The following NUP50 variants were observed in gnomAD, a reference collection of about 807,000 sequenced individuals.
NUP50 encodes nucleoporin 50.
A neutral mutation model predicts 36.8 loss-of-function variants in NUP50; 14 were observed. The observed-to-expected ratio is 0.38, with a 90% CI of 0.25 to 0.59. The LOEUF (loss-of-function observed/expected upper bound fraction) is 0.59, where lower values mean the gene tolerates loss of function less well. Ranked by LOEUF, NUP50 falls within the 20% of genes least tolerant of loss-of-function variation. The pLI is 0.63. For synonymous variants in NUP50, 195 were observed against 210.8 expected (o/e 0.93, Z 0.65); for missense variants, 455 against 564.6 (o/e 0.81, Z 1.97).
chr22:45,176,531 G>A (rs1383465564), intron 4 of NUP50, among the ~76,000 whole-genome samples: 1 of 152,228 alleles, frequency 6.6e-6, no homozygotes, highest in Non-Finnish European at 1.5e-5. Flanking sequence ...TTGGGTATGG[G>A]ATGTGTTGAT....
At chr22:45,166,334 C>G (rs1476115425) in intron 1 of NUP50, 4 of 135,634 alleles carry the variant, frequency 2.9e-5, no homozygotes, top group South Asian at 4.5e-4. Flanking sequence ...GTCACATAGG[C>G]TGGAGTGCAT....
intron 3 of NUP50, among the ~76,000 whole-genome samples, chr22:45,172,472 T>C (rs1569046770): frequency 6.6e-6 from 1 of 152,168 alleles, no homozygotes; most frequent in Admixed American, 6.5e-5. Context: ...AAGGAAATAG[T>C]CATTGGAGGA....
intron 3 of NUP50, 43 bp downstream of exon 3, chr22:45,171,726 A>G: frequency 6.6e-7 from 1 of 1,523,546 alleles, no homozygotes; most frequent in African/African-American, 1.4e-5. Flanking sequence ...TACTCATTTG[A>G]TTTCTGGGTT....
rs2074470983 is a variant in NUP50 at position 45,186,315 on chromosome 22, G to A, written c.*1660G>A. ...AGTTTTACACTGACTTTTTAAGAAT[G>A]GAGAATGCACGTGGGTTTCTGTTGC... On this transcript the variant is annotated 3_prime_UTR_variant, in exon 8 of 8. Transcript: ENST00000347635. 6.6e-6 allele frequency: 1 copy of A among 152,216 alleles called. No individual in the cohort carries two copies. Among genetic ancestry groups the A allele is most frequent in the Non-Finnish European group, 1.5e-5 (1 of 68,038 alleles). 9.4% of individuals were successfully genotyped at this position (152,216 alleles called of 1,614,324 possible).
intron 6 of NUP50, among the ~76,000 whole-genome samples, chr22:45,182,902 C>T (rs956859192): frequency 1.3e-5 from 2 of 151,508 alleles, no homozygotes; most frequent in African/African-American, 2.4e-5. Context: ...GGGATACAGG[C>T]GTGAGCCACC....
In NUP50 at chr22:45,178,720, A is replaced by G. The variant is rs753113949; in HGVS notation, c.823A>G (p.Lys275Glu). 9.8e-5 allele frequency: 158 copies of G among 1,613,182 alleles called. No individual in the cohort carries two copies. The highest frequency in any genetic ancestry group is 1.3e-4 in the Non-Finnish European group (157 of 1,179,872). ...GATSASFNFG[K>E]KVDSSVLGSL... ...GACAAGTGCCTCATTTAATTTCGGCAAGAAAGTTGATAGCTCTGTTTTGGG... is the reference window on the plus strand; with the variant it reads ...GACAAGTGCCTCATTTAATTTCGGCGAGAAAGTTGATAGCTCTGTTTTGGG... The change falls in exon 5 of 8, where the codon AAG (lysine) becomes GAG (glutamate). Residue 275 changes from lysine to glutamate, a missense_variant. Lys to Glu is a moderately conservative substitution (Grantham distance 56). Transcript: ENST00000347635.
chr22:45,171,058 G>A, intron 2 of NUP50: 1 of 1,303,590 alleles, frequency 7.7e-7, no homozygotes, highest in African/African-American at 1.5e-5. Context: ...CAGAAGTGTG[G>A]ACATGAGTGT....
chr22:45,176,174 G>A (rs942338422), intron 4 of NUP50, 94 bp downstream of exon 4: 4 of 1,354,870 alleles, frequency 3.0e-6, no homozygotes, highest in East Asian at 4.9e-5. Context: ...CCTGTGTCTT[G>A]GAACTGTGTG....
intron 1 of NUP50, among the ~76,000 whole-genome samples, chr22:45,167,170 A>G (rs2074107154): frequency 6.6e-6 from 1 of 152,140 alleles, no homozygotes; most frequent in African/African-American, 2.4e-5. Context: ...GAGTGGGGAG[A>G]GTATCACGAA....
Position 45,179,038 on chromosome 22 carries a change from C to A in NUP50, c.1003+138C>A, listed in dbSNP as rs12160308. On this transcript the variant is annotated intron_variant, in intron 5 of 7. Coordinates refer to ENST00000347635, the MANE Select transcript of NUP50 (RefSeq NM_007172.4). ...TCTCCATGTGTGATCTCAGACAGAGCTAATCAGCTTCTCTGAGTTTCAGAT... is the reference window on the plus strand; with the variant it reads ...TCTCCATGTGTGATCTCAGACAGAGATAATCAGCTTCTCTGAGTTTCAGAT... 8.2e-3 allele frequency: 6,129 copies of A among 751,130 alleles called. 215 individuals are homozygous for A. The African/African-American group carries it at 0.092, about 11-fold the overall frequency. 46.5% of individuals were successfully genotyped at this position (751,130 alleles called of 1,614,324 possible). A position where few individuals can be genotyped will look rare whatever the true frequency, so the allele number is the denominator to read the frequency against.
At chr22:45,179,744 G>A (rs1378770576) in intron 5 of NUP50, among the ~76,000 whole-genome samples, 3 of 152,126 alleles carry the variant, frequency 2.0e-5, no homozygotes, top group African/African-American at 7.2e-5. Context: ...AAATTAGCCA[G>A]GCCAGGTGGT....
Position 45,183,345 on chromosome 22 carries a change from CTGTG to C in NUP50, c.1086-54_1086-51del. On this transcript the variant is annotated intron_variant, in intron 6 of 7. Transcript: ENST00000347635. ...AGTGTGAAGAGTGGTTGTTAGAAAA[CTGTG>C]TGACTTGATTCGTCCTTGAATGCTT... 8.1e-6 allele frequency: 8 copies of C among 992,306 alleles called. 1 individual carries two copies. The South Asian group carries it at 1.1e-4, about 13-fold the overall frequency. The allele number at this position is 992,306 out of a possible 1,614,324, so 61.5% of individuals were successfully genotyped here. A position where few individuals can be genotyped will look rare whatever the true frequency, so the allele number is the denominator to read the frequency against.
chr22:45,166,611 G>A (rs542205796), intron 1 of NUP50, among the ~76,000 whole-genome samples: 3 of 151,964 alleles, frequency 2.0e-5, no homozygotes, highest in African/African-American at 7.2e-5. Flanking sequence ...AATAGCAAAC[G>A]TGACCGTTGG....
At position 45,178,614 on chromosome 22, in the gene NUP50, T is replaced by C. The variant is rs1484339572; in HGVS notation, c.717T>C (p.His239=). ...AGCAAGAGTCAACGTTTTTGTTTCATGGCAACAAAACTGAAGATACACCTG... is the reference window on the plus strand; with the variant it reads ...AGCAAGAGTCAACGTTTTTGTTTCACGGCAACAAAACTGAAGATACACCTG... ...KLQQESTFLF[H]GNKTEDTPDK... Residue 239 remains histidine (H), a synonymous_variant, in exon 5 of 8, where the codon CAT becomes CAC. Transcript: ENST00000347635. The C allele has an allele frequency of 1.2e-6, 2 of 1,611,998 alleles. No homozygotes were observed. The highest frequency in any genetic ancestry group is 1.7e-5 in the Admixed American group (1 of 60,012).
rs775542760 is a variant in NUP50, at chr22:45,184,481, A to G, written c.1233A>G (p.Pro411=). The change falls in exon 8 of 8, where the codon CCA becomes CCG. Residue 411 remains proline (P), a synonymous_variant. Transcript: ENST00000347635. ...ACATATTGCTGAACGTTCTGATTCC[A>G]CCCAATATGCCATGTACGCGAACAG... ...LGNILLNVLI[P]PNMPCTRTGK... The G allele has an allele frequency of 3.1e-6, 5 of 1,613,790 alleles. No homozygotes were observed. Among genetic ancestry groups the G allele is most frequent in the Non-Finnish European group, 3.4e-6 (4 of 1,179,846 alleles).
rs112466118 is a variant in NUP50 at position 45,183,280 on chromosome 22, T to C, written c.1086-122T>C. ...GTTTGGATCAATTAAAGATTTATCC[T>C]GAAGCTTCCTGTACTCATTTAATAG... On this transcript the variant is annotated intron_variant, in intron 6 of 7. Coordinates refer to ENST00000347635, the MANE Select transcript of NUP50 (RefSeq NM_007172.4). 2,653 of 636,398 alleles carry C rather than the reference T, an allele frequency of 4.2e-3. 54 individuals are homozygous for C. In the African/African-American group the frequency reaches 0.043, roughly 10 times the overall value. 39.4% of individuals were successfully genotyped at this position (636,398 alleles called of 1,614,324 possible). A position where few individuals can be genotyped will look rare whatever the true frequency, so the allele number is the denominator to read the frequency against.
In NUP50 at chr22:45,171,690, G is replaced by GC; in HGVS notation, c.153+12dup. The GC allele has an allele frequency of 6.2e-7, 1 of 1,611,608 alleles. No individual in the cohort carries two copies. Among genetic ancestry groups the GC allele is most frequent in the Non-Finnish European group, 8.5e-7 (1 of 1,177,704 alleles). On this transcript the variant is annotated splice_region_variant and intron_variant, in intron 3 of 7. Transcript: ENST00000347635. ...CAGAAATGTTGGATTTGAAGTGAGT[G>GC]CCCCCTTACAGCTCTTGCTATTAAA...
In NUP50 at chr22:45,175,884, C is replaced by G; in HGVS notation, c.154-10C>G. 2 of 1,613,832 alleles carry G rather than the reference C, an allele frequency of 1.2e-6. No individual in the cohort carries two copies. Among genetic ancestry groups the G allele is most frequent in the Non-Finnish European group, 8.5e-7 (1 of 1,179,874 alleles). ...ACTTACCTAATGTGTGCTCCTCCTT[C>G]ATACTTCAGTCTGACACTGGAGGAG... On this transcript the variant is annotated splice_polypyrimidine_tract_variant and intron_variant, in intron 3 of 7. Transcript: ENST00000347635.
chr22:45,165,125 A>G (rs191556235), intron 1 of NUP50, among the ~76,000 whole-genome samples: 2 of 152,274 alleles, frequency 1.3e-5, no homozygotes, highest in Admixed American at 1.3e-4. Context: ...ATCAGGCACA[A>G]ATAATGTTTT....
Sources: gnomAD v4.1 joint callset for allele counts (sites outside exome capture counted in the v4.1 genomes callset) on GRCh38, gnomAD v4.1.1 for gene constraint, MANE v1.5 for transcripts, NCBI Gene and HGNC (gene_info 2026-07-23, HGNC 2026-07-21) for gene names.